GALNT17: variants seen among roughly 807,000 people sequenced by gnomAD.
The protein encoded by GALNT17 is polypeptide N-acetylgalactosaminyltransferase 17.
A neutral mutation model predicts 63.7 loss-of-function variants in GALNT17; 29 were observed. The ratio of observed to expected loss-of-function variants is 0.46; its 90% CI spans 0.34 to 0.62. The LOEUF is 0.62. GALNT17 is among the 20% of genes least tolerant of loss of function. The pLI is 0.01. For synonymous variants in GALNT17, 305 were observed against 318.3 expected, an observed-to-expected ratio of 0.96 and a Z score of 0.45; for missense variants, 603 against 799.6, an observed-to-expected ratio of 0.75 and a Z score of 2.97.
chr7:71,294,602 ATGGAGTTTCACCATAT>A (rs1791044256), intron 1 of GALNT17, among the ~76,000 whole-genome samples: 1 of 151,792 alleles, frequency 6.6e-6, no homozygotes, highest in Admixed American at 6.6e-5. Context: ...TTTAGTGGAA[ATGGAGTTTCACCATAT>A]TGGCCAGGCT....
chr7:71,489,681 A>G (rs574064663), intron 5 of GALNT17, among the ~76,000 whole-genome samples: 50 of 152,366 alleles, frequency 3.3e-4, no homozygotes, highest in African/African-American at 1.2e-3. Flanking sequence ...GCTTACATAC[A>G]GGGGAGAGAG....
chr7:71,381,002 C>G (rs547705174), intron 2 of GALNT17, among the ~76,000 whole-genome samples: 7 of 151,896 alleles, frequency 4.6e-5, no homozygotes, highest in African/African-American at 1.7e-4. Flanking sequence ...GCTCCGTCAC[C>G]CAGGCTGGAG....
intron 1 of GALNT17, among the ~76,000 whole-genome samples, chr7:71,136,194 CA>C (rs1047668525): frequency 1.3e-5 from 2 of 152,126 alleles, no homozygotes; most frequent in Non-Finnish European, 2.9e-5. Flanking sequence ...TCCGAGAAGG[CA>C]AAGGGCTCCT....
chr7:71,330,323 G>T (rs1791786660), intron 1 of GALNT17, among the ~76,000 whole-genome samples: 1 of 151,706 alleles, frequency 6.6e-6, no homozygotes, highest in African/African-American at 2.4e-5. Flanking sequence ...GGACAAGTGG[G>T]ATTTCTGAAG....
intron 1 of GALNT17, among the ~76,000 whole-genome samples, chr7:71,206,973 G>A (rs936760114): frequency 6.6e-6 from 1 of 152,158 alleles, no homozygotes; most frequent in Non-Finnish European, 1.5e-5. Context: ...GGGCGTGGTG[G>A]TAAGTGCCTG....
chr7:71,215,316 T>C (rs1789457832), intron 1 of GALNT17, among the ~76,000 whole-genome samples: 1 of 152,128 alleles, frequency 6.6e-6, no homozygotes, highest in African/African-American at 2.4e-5. Flanking sequence ...TGTTTTCTGT[T>C]TATTGATATT....
At chr7:71,690,994 G>A (rs6460683) in intron 9 of GALNT17, among the ~76,000 whole-genome samples, 114,622 of 152,090 alleles carry the variant, frequency 0.75, 43,328 homozygotes, top group East Asian at 0.85. Flanking sequence ...CTTAGGTGGT[G>A]TATCAGCAGC....
At chr7:71,608,892 C>T (rs1018230681) in intron 6 of GALNT17, among the ~76,000 whole-genome samples, 5 of 152,012 alleles carry the variant, frequency 3.3e-5, no homozygotes, top group Non-Finnish European at 7.4e-5. Context: ...GTTCCTCCCA[C>T]CTCAGCCTCC....
intron 9 of GALNT17, chr7:71,685,733 A>G (rs1163924008): frequency 6.6e-6 from 1 of 152,044 alleles, no homozygotes; most frequent in Non-Finnish European, 1.5e-5. Flanking sequence ...TTGCAGCCAG[A>G]TCACCCTCAC....
chr7:71,667,396 G>A (rs577644506), intron 7 of GALNT17, among the ~76,000 whole-genome samples: 27 of 152,190 alleles, frequency 1.8e-4, no homozygotes, highest in African/African-American at 6.3e-4. Context: ...GGTAACATTC[G>A]TTGAGCACTT....
intron 6 of GALNT17, among the ~76,000 whole-genome samples, chr7:71,640,842 T>A (rs1311107574): frequency 5.0e-5 from 7 of 140,406 alleles, no homozygotes; most frequent in Admixed American, 4.2e-4. Flanking sequence ...CAAGACCCCA[T>A]CTCAAAAAAA....
At chr7:71,529,876 C>CA (rs1331188835) in intron 5 of GALNT17, among the ~76,000 whole-genome samples, 1 of 152,128 alleles carries the variant, frequency 6.6e-6, no homozygotes, top group South Asian at 2.1e-4. Flanking sequence ...TTCATTGTTA[C>CA]AAAAGAGTTG....
intron 1 of GALNT17, among the ~76,000 whole-genome samples, chr7:71,327,151 C>G (rs1244861814): frequency 6.6e-6 from 1 of 152,174 alleles, no homozygotes; most frequent in East Asian, 1.9e-4. Flanking sequence ...AGGAGAGCAC[C>G]TAAACATGGG....
intron 1 of GALNT17, among the ~76,000 whole-genome samples, chr7:71,298,788 T>G (rs867858782): frequency 2.9e-4 from 44 of 152,136 alleles, no homozygotes; most frequent in African/African-American, 1.0e-3. Context: ...TTTGGGATAT[T>G]TACCCAAATT....
At chr7:71,321,930 T>TTCCTTCCTTC (rs1563001283) in intron 1 of GALNT17, among the ~76,000 whole-genome samples, 397 of 35,410 alleles carry the variant, frequency 0.011, 5 homozygotes, top group Non-Finnish European at 0.015. Flanking sequence ...TTCCCCTCCC[T>TTCCTTCCTTC]CCCTCCCTCC....
At chr7:71,262,718 T>TC (rs1424639567) in intron 1 of GALNT17, among the ~76,000 whole-genome samples, 1 of 147,526 alleles carries the variant, frequency 6.8e-6, no homozygotes, top group Non-Finnish European at 1.5e-5. Context: ...TCTTGCTCTG[T>TC]CACCCAGGCT....
At position 71,132,758 on chromosome 7, in the gene GALNT17, C is replaced by G. The variant is rs1787705442; in HGVS notation, c.-45C>G. The G allele has an allele frequency of 1.3e-6, 2 of 1,510,178 alleles. No homozygotes were observed. Among genetic ancestry groups the G allele is most frequent in the African/African-American group, 1.4e-5 (1 of 71,782 alleles). The allele number at this position is 1,510,178 out of a possible 1,614,324, so 93.5% of individuals were successfully genotyped here. A position where few individuals can be genotyped will look rare whatever the true frequency, so the allele number is the denominator to read the frequency against. ...CTGGCTGCCCCGCGCCTCGCCGGAG[C>G]CCGAGGGGGCGCAGGTCCGGGGCGA... On this transcript the variant is annotated 5_prime_UTR_variant, in exon 1 of 11. Transcript: ENST00000333538.
At chr7:71,590,798 G>A (rs531651084) in intron 6 of GALNT17, among the ~76,000 whole-genome samples, 109 of 152,196 alleles carry the variant, frequency 7.2e-4, no homozygotes, top group African/African-American at 2.5e-3. Context: ...CTCGATCTCG[G>A]CTCACTGGAA....
chr7:71,153,208 A>G (rs1788165278), intron 1 of GALNT17, among the ~76,000 whole-genome samples: 1 of 152,150 alleles, frequency 6.6e-6, no homozygotes, highest in Non-Finnish European at 1.5e-5. Context: ...ATCACCTAAC[A>G]TCAATGAGCC....
Sources: gnomAD v4.1 joint callset for allele counts (sites outside exome capture counted in the v4.1 genomes callset) on GRCh38, gnomAD v4.1.1 for gene constraint, MANE v1.5 for transcripts, NCBI Gene and HGNC (gene_info 2026-07-23, HGNC 2026-07-21) for gene names.